Variants in LRRC37A2 observed in about 807,000 individuals in gnomAD.
LRRC37A2 encodes the protein leucine-rich repeat-containing protein 37A2.
LRRC37A2 carries 9 observed loss-of-function variants against 68.8 expected under a neutral mutation model. The ratio of observed to expected loss-of-function variants is 0.13; its 90% CI spans 0.08 to 0.23. The LOEUF (loss-of-function observed/expected upper bound fraction) is 0.23. LRRC37A2 is among the 10% of genes least tolerant of loss of function. The pLI, the probability that LRRC37A2 is intolerant of heterozygous loss-of-function variation, is 1.00. For missense variants in LRRC37A2, 168 were observed against 950.4 expected (o/e 0.18, Z 10.82); for synonymous variants, 63 against 367.6 (o/e 0.17, Z 9.48).
the LRRC37A2 span, among the ~76,000 whole-genome samples, chr17:47,028,691 C>T: frequency 5.9e-5 from 9 of 151,830 alleles, no homozygotes; most frequent in East Asian, 1.6e-3. Flanking sequence ...GTGGATCACC[C>T]GAGGTCAGGA....
the LRRC37A2 span, among the ~76,000 whole-genome samples, chr17:46,496,962 T>C: frequency 2.1e-5 from 3 of 144,368 alleles, no homozygotes; most frequent in Non-Finnish European, 4.5e-5. Context: ...ATTAGTGTTT[T>C]ATATTAGTAG....
At chr17:46,974,987 C>CTTTTTTTTTTTTTTTTTTTTTTTTTTT in the LRRC37A2 span, among the ~76,000 whole-genome samples, 1 of 119,062 alleles carries the variant, frequency 8.4e-6, no homozygotes, top group Admixed American at 8.9e-5. Flanking sequence ...TTACTATTTT[C>CTTTTTTTTTTTTTTTTTTTTTTTTTTT]TTTTTTTTTT....
At chr17:46,532,770 A>G (rs1484001058) in intron 6 of LRRC37A2, among the ~76,000 whole-genome samples, 2 of 147,864 alleles carry the variant, frequency 1.4e-5, no homozygotes, top group Non-Finnish European at 3.0e-5. Context: ...TAAGAACAAT[A>G]GTAATGTCCC....
chr17:46,720,294 A>G, the LRRC37A2 span, among the ~76,000 whole-genome samples: 56 of 152,314 alleles, frequency 3.7e-4, no homozygotes, highest in African/African-American at 1.3e-3. Context: ...TGTTTTGTTC[A>G]ATACACTGTG....
the LRRC37A2 span, among the ~76,000 whole-genome samples, chr17:47,003,498 G>A: frequency 6.6e-6 from 1 of 152,262 alleles, no homozygotes; most frequent in Non-Finnish European, 1.5e-5. Flanking sequence ...CTCCATGCAG[G>A]AGGGTACAGT....
chr17:46,807,420 T>C, the LRRC37A2 span, among the ~76,000 whole-genome samples: 3,050 of 152,222 alleles, frequency 0.02, 36 homozygotes, highest in African/African-American at 0.034. Context: ...AGGCGGAGGT[T>C]GCAGTGAGCC....
the LRRC37A2 span, among the ~76,000 whole-genome samples, chr17:46,881,783 T>C: frequency 6.6e-6 from 1 of 152,242 alleles, no homozygotes; most frequent in African/African-American, 2.4e-5. Flanking sequence ...TTTCTGTCTT[T>C]GCATTTGCAA....
the LRRC37A2 span, among the ~76,000 whole-genome samples, chr17:46,499,449 G>A: frequency 1.3e-5 from 2 of 149,798 alleles, no homozygotes; most frequent in Non-Finnish European, 2.9e-5. Context: ...AATCTACAGT[G>A]GTTTCTGGGG....
At chr17:46,894,746 G>T in the LRRC37A2 span, among the ~76,000 whole-genome samples, 1 of 152,200 alleles carries the variant, frequency 6.6e-6, no homozygotes. Flanking sequence ...CTTTAATGCA[G>T]TCCCAGCTGC....
At chr17:46,837,487 C>T in the LRRC37A2 span, among the ~76,000 whole-genome samples, 3 of 152,180 alleles carry the variant, frequency 2.0e-5, no homozygotes, top group Non-Finnish European at 2.9e-5. Context: ...GTTTCCCCAT[C>T]GAATCCTCAC....
At chr17:46,940,875 G>A in the LRRC37A2 span, 7 of 1,413,928 alleles carry the variant, frequency 5.0e-6, no homozygotes, top group South Asian at 8.9e-5. Flanking sequence ...ACTGCATGTT[G>A]TCACATGACC....
the LRRC37A2 span, chr17:46,935,453 G>A: frequency 7.2e-6 from 10 of 1,398,218 alleles, no homozygotes; most frequent in Admixed American, 9.2e-5. Flanking sequence ...GTGCTACTAC[G>A]AGGGGTCCAA....
At chr17:46,756,678 A>G in the LRRC37A2 span, 1 of 152,782 alleles carries the variant, frequency 6.5e-6, no homozygotes, top group East Asian at 1.9e-4. Flanking sequence ...TTAGTATAAT[A>G]TTAAGGCTTA....
At chr17:46,709,848 CT>C in the LRRC37A2 span, among the ~76,000 whole-genome samples, 10 of 152,268 alleles carry the variant, frequency 6.6e-5, no homozygotes, top group African/African-American at 2.2e-4. Flanking sequence ...TTCATCATTA[CT>C]TTTTACACTG....
At chr17:46,726,610 T>G in the LRRC37A2 span, 1 of 1,613,794 alleles carries the variant, frequency 6.2e-7, no homozygotes, top group Non-Finnish European at 8.5e-7. Context: ...ATTGAGAGAT[T>G]GCTTGGTGAG....
At chr17:46,788,042 A>G in the LRRC37A2 span, among the ~76,000 whole-genome samples, 1 of 151,804 alleles carries the variant, frequency 6.6e-6, no homozygotes, top group Non-Finnish European at 1.5e-5. Flanking sequence ...GCAGAGTGTG[A>G]GAAGTCCCAC....
chr17:46,740,173 A>G, the LRRC37A2 span, among the ~76,000 whole-genome samples: 4 of 152,096 alleles, frequency 2.6e-5, no homozygotes, highest in South Asian at 8.3e-4. Flanking sequence ...TGTGCTCTGG[A>G]TAGTTGAAAT....
At chr17:46,818,643 G>A in the LRRC37A2 span, 12 of 1,517,228 alleles carry the variant, frequency 7.9e-6, no homozygotes, top group Non-Finnish European at 1.1e-5. Flanking sequence ...CATGAAGAGG[G>A]GGAGCGACGC....
At chr17:46,818,811 G>A in the LRRC37A2 span, 1 of 617,284 alleles carries the variant, frequency 1.6e-6, no homozygotes, top group Non-Finnish European at 2.9e-6. Context: ...GCGGCCTAAG[G>A]TAAGAGATGA....
Sources: allele counts gnomAD v4.1 joint callset (sites outside exome capture counted in the v4.1 genomes callset), GRCh38; gene constraint gnomAD v4.1.1; transcripts MANE v1.5; gene names NCBI Gene and HGNC (gene_info 2026-07-23, HGNC 2026-07-21).